Variants in UGGT2 observed in about 807,000 individuals in gnomAD.
UGGT2 encodes UDP-glucose glycoprotein glucosyltransferase 2, also known as UDP-glucose:glycoprotein glucosyltransferase 2.
A neutral mutation model predicts 192.1 loss-of-function variants in UGGT2; 180 were observed. That is an observed-to-expected ratio of 0.94 (90% CI 0.83 to 1.06). UGGT2 has a LOEUF of 1.06. UGGT2 is among the 50% of genes least tolerant of loss of function. UGGT2 has a pLI of 0.00. For missense variants in UGGT2, 1,849 were observed against 1,795.7 expected (o/e 1.03, Z -0.54); for synonymous variants, 580 against 591.0 (o/e 0.98, Z 0.27).
intron 22 of UGGT2, among the ~76,000 whole-genome samples, chr13:95,899,624 T>C (rs527385695): frequency 6.6e-6 from 1 of 152,192 alleles, no homozygotes; most frequent in East Asian, 1.9e-4. Context: ...AACTAAAAGG[T>C]AAGGCACTAG....
At chr13:96,006,623 CAAAAAAAAA>C (rs61256349) in intron 5 of UGGT2, among the ~76,000 whole-genome samples, 36 of 93,464 alleles carry the variant, frequency 3.9e-4, no homozygotes, top group Admixed American at 1.0e-3. Context: ...GATTCTGCCT[CAAAAAAAAA>C]AAAAAAAAAA....
chr13:95,862,336 CAAA>C (rs1377648083), intron 31 of UGGT2, among the ~76,000 whole-genome samples: 1 of 152,130 alleles, frequency 6.6e-6, no homozygotes, highest in Non-Finnish European at 1.5e-5. Flanking sequence ...TATCTTTGAT[CAAA>C]ATGATTAATG....
At chr13:95,808,040 G>A (rs1032060903) in intron 38 of UGGT2, among the ~76,000 whole-genome samples, 35 of 152,010 alleles carry the variant, frequency 2.3e-4, no homozygotes, top group African/African-American at 8.2e-4. Flanking sequence ...GTTGAGTTTG[G>A]GGGCCGATAG....
chr13:96,019,724 G>C (rs1433630919), intron 4 of UGGT2, among the ~76,000 whole-genome samples: 1 of 152,174 alleles, frequency 6.6e-6, no homozygotes, highest in African/African-American at 2.4e-5. Context: ...AGACCAGACA[G>C]GTAGGCCATT....
chr13:96,011,217 T>C (rs1009155030), intron 5 of UGGT2, among the ~76,000 whole-genome samples: 3 of 152,026 alleles, frequency 2.0e-5, no homozygotes, highest in African/African-American at 4.8e-5. Context: ...AAATATAATC[T>C]ATAAACAAAA....
At chr13:95,805,889 G>T (rs1884276944) in intron 38 of UGGT2, among the ~76,000 whole-genome samples, 1 of 151,728 alleles carries the variant, frequency 6.6e-6, no homozygotes, top group African/African-American at 2.4e-5. Context: ...CTTAAAAATG[G>T]TTAAAACAGT....
At chr13:95,968,659 C>T (rs1165021549) in intron 12 of UGGT2, among the ~76,000 whole-genome samples, 2 of 152,118 alleles carry the variant, frequency 1.3e-5, no homozygotes, top group African/African-American at 4.8e-5. Context: ...ATTAAAGCTC[C>T]CAGAAGCCAA....
intron 24 of UGGT2, among the ~76,000 whole-genome samples, chr13:95,892,066 T>C (rs1196562325): frequency 1.3e-5 from 2 of 152,148 alleles, no homozygotes; most frequent in East Asian, 3.9e-4. Flanking sequence ...TTGCTTCCTG[T>C]AGTTACCTTG....
At position 95,993,601 on chromosome 13, in the gene UGGT2, A is replaced by T. The variant is rs575692442; in HGVS notation, c.830+2462T>A. On this transcript the variant is annotated intron_variant, in intron 7 of 38. Coordinates refer to ENST00000376747, the MANE Select transcript of UGGT2 (RefSeq NM_020121.4). ...TTACTTAGAATAAAACCATTTTGTA[A>T]GCTGTATTAACATTTTAAGGCCACT... Among the ~76,000 whole-genome samples, 17 of 152,250 alleles carry T rather than the reference A, an allele frequency of 1.1e-4. No individual in the cohort carries two copies. In the South Asian group the frequency reaches 3.5e-3, roughly 32 times the overall value.
In UGGT2 at chr13:95,902,763, C is replaced by T. The variant is rs2048145196; in HGVS notation, c.2502+91G>A. 4.1e-6 allele frequency: 5 copies of T among 1,220,384 alleles called. No individual in the cohort carries two copies. The African/African-American group carries it at 4.6e-5, about 11-fold the overall frequency. 75.6% of individuals were successfully genotyped at this position (1,220,384 alleles called of 1,614,324 possible). A position where few individuals can be genotyped will look rare whatever the true frequency, so the allele number is the denominator to read the frequency against. Reference sequence around the variant, plus strand: ...TATTATCTTCATTTGTTTAAATCTACCATTGTTTTTCAGTAACAATATCTC... The same window carrying T: ...TATTATCTTCATTTGTTTAAATCTATCATTGTTTTTCAGTAACAATATCTC... On this transcript the variant is annotated intron_variant, in intron 21 of 38. Coordinates refer to ENST00000376747, the MANE Select transcript of UGGT2 (RefSeq NM_020121.4).
intron 20 of UGGT2, among the ~76,000 whole-genome samples, chr13:95,905,816 A>G (rs956004606): frequency 6.6e-6 from 1 of 152,134 alleles, no homozygotes; most frequent in Non-Finnish European, 1.5e-5. Flanking sequence ...TAAAGTATAC[A>G]TTATCTTTAA....
intron 1 of UGGT2, among the ~76,000 whole-genome samples, chr13:96,052,287 A>T (rs941491148): frequency 1.6e-4 from 24 of 152,314 alleles, no homozygotes; most frequent in African/African-American, 4.3e-4. Context: ...AAGGCATAAG[A>T]TTGACACAAT....
chr13:95,926,221 G>T (rs1294347213), intron 19 of UGGT2, among the ~76,000 whole-genome samples: 1 of 152,046 alleles, frequency 6.6e-6, no homozygotes, highest in Non-Finnish European at 1.5e-5. Flanking sequence ...TAAAATCATG[G>T]AATCTGTTAG....
chr13:96,008,704 C>T (rs184003237), intron 5 of UGGT2, among the ~76,000 whole-genome samples: 1 of 152,190 alleles, frequency 6.6e-6, no homozygotes, highest in East Asian at 1.9e-4. Flanking sequence ...ATTATTAATA[C>T]AAAACACTGC....
intron 11 of UGGT2, among the ~76,000 whole-genome samples, chr13:95,971,207 C>A (rs989195169): frequency 6.6e-6 from 1 of 152,212 alleles, no homozygotes; most frequent in Non-Finnish European, 1.5e-5. Flanking sequence ...TACTCCTGTT[C>A]TTTCCCCACA....
At chr13:95,960,898 GA>G (rs2050370260) in intron 12 of UGGT2, among the ~76,000 whole-genome samples, 1 of 152,124 alleles carries the variant, frequency 6.6e-6, no homozygotes, top group Non-Finnish European at 1.5e-5. Flanking sequence ...AGTCCTGTAA[GA>G]AAATGCCTGC....
intron 3 of UGGT2, 71 bp from the exon 4 acceptor site, chr13:96,023,223 T>C (rs2052565734): frequency 7.8e-6 from 10 of 1,276,518 alleles, no homozygotes; most frequent in African/African-American, 4.5e-5. Flanking sequence ...CCCTCACACA[T>C]TACTTTGATT....
chr13:95,972,586 G>T lies in UGGT2; in HGVS notation c.1178C>A (p.Ala393Asp). 4.3e-6 allele frequency: 7 copies of T among 1,610,494 alleles called. No individual in the cohort carries two copies. The highest frequency in any genetic ancestry group is 5.9e-6 in the Non-Finnish European group (7 of 1,177,566). ...GCAATAATTTAATACTTACCTAAAA[G>T]CGTCATAAACATCCATATCAACACG... is the stretch of plus-strand genomic sequence containing the variant. ...GLRVDMDVYD[A>D]FSILDMLKLE... Residue 393 changes from alanine to aspartate, a missense_variant, in exon 11 of 39, where the codon GCT becomes GAT. Transcript: ENST00000376747.
chr13:96,027,857 T>C (rs2052715553), intron 2 of UGGT2, among the ~76,000 whole-genome samples: 1 of 152,230 alleles, frequency 6.6e-6, no homozygotes, highest in East Asian at 1.9e-4. Flanking sequence ...TTTTTAAAAG[T>C]AGTAGGTGCA....
Sources: allele counts gnomAD v4.1 joint callset (sites outside exome capture counted in the v4.1 genomes callset), GRCh38; gene constraint gnomAD v4.1.1; transcripts MANE v1.5; gene names NCBI Gene and HGNC (gene_info 2026-07-23, HGNC 2026-07-21).